AGO2: variants seen among roughly 807,000 people sequenced by gnomAD.
The protein encoded by AGO2 is protein argonaute-2.
In AGO2, 5 loss-of-function variants were observed where a neutral mutation model predicts 102.3. The observed-to-expected ratio is 0.05, with a 90% CI of 0.03 to 0.10. The LOEUF is 0.10. Ranked by LOEUF, AGO2 falls within the 10% of genes least tolerant of loss-of-function variation. AGO2 has a pLI of 1.00. For synonymous variants in AGO2, 449 were observed against 473.1 expected (o/e 0.95, Z 0.66); for missense variants, 541 against 1,183.7 (o/e 0.46, Z 7.97).
At chr8:140,639,417 G>T (rs564061762), upstream of AGO2, among the ~76,000 whole-genome samples, 2 of 151,666 alleles carry the variant, frequency 1.3e-5, no homozygotes, top group South Asian at 4.2e-4. Flanking sequence ...GGAGGCGGAG[G>T]TCGCAGTGAG....
chr8:140,586,596 T>A lies in AGO2; in HGVS notation c.23-1285A>T, dbSNP rs528372557. 3.2e-4 allele frequency among the ~76,000 whole-genome samples: 48 copies of A among 152,228 alleles called. 1 individual carries two copies. The South Asian group carries it at 9.6e-3, about 30-fold the overall frequency. ...ATCCACAGGATGACGTCTGATGACT[T>A]TTCATAAGCTCAGCAGCTCACCAAG... On this transcript the variant is annotated intron_variant, in intron 1 of 18. Transcript: ENST00000220592.
In AGO2 at chr8:140,526,763, A is replaced by C. The variant is rs377377969; in HGVS notation, c.*5281T>G. 8.5e-5 allele frequency: 13 copies of C among 152,312 alleles called. No homozygotes were observed. The East Asian group carries it at 1.9e-3, about 23-fold the overall frequency. 9.4% of individuals were successfully genotyped at this position (152,312 alleles called of 1,614,324 possible). On this transcript the variant is annotated 3_prime_UTR_variant, in exon 19 of 19. Transcript: ENST00000220592. The surrounding 1 kb of genome is among the most constrained non-coding windows in gnomAD (Gnocchi z 5.2). ...TAACATGGCAAAACATACTGAAAGA[A>C]GCATAAGCGAGGGCACCGTAATGGC...
At chr8:140,548,044 G>T (rs1017879965) in intron 12 of AGO2, among the ~76,000 whole-genome samples, 1 of 152,194 alleles carries the variant, frequency 6.6e-6, no homozygotes, top group African/African-American at 2.4e-5. Context: ...GGCCGGGCGC[G>T]GTGGCTCACA....
intron 2 of AGO2, among the ~76,000 whole-genome samples, chr8:140,577,245 A>ACG (rs1005209531): frequency 6.7e-6 from 1 of 149,556 alleles, no homozygotes; most frequent in African/African-American, 2.5e-5. Context: ...TGCCTGGGGA[A>ACG]CGAAGCCAGC....
At chr8:140,610,201 C>G (rs902870205) in intron 1 of AGO2, among the ~76,000 whole-genome samples, 2 of 151,958 alleles carry the variant, frequency 1.3e-5, no homozygotes, top group Non-Finnish European at 2.9e-5. Context: ...GAGATCCTGT[C>G]TCAAGAAACA....
At chr8:140,574,303 T>G (rs2073431845) in intron 2 of AGO2, among the ~76,000 whole-genome samples, 1 of 152,138 alleles carries the variant, frequency 6.6e-6, no homozygotes. Context: ...AGTCTCGCTC[T>G]ATCACTGGAG....
chr8:140,602,966 G>C (rs1459099188), intron 1 of AGO2, among the ~76,000 whole-genome samples: 1 of 152,238 alleles, frequency 6.6e-6, no homozygotes, highest in African/African-American at 2.4e-5. Flanking sequence ...TAACGACGAT[G>C]CCTGCACGCA....
chr8:140,541,393 C>G (rs748514419), intron 14 of AGO2, 35 bp from the exon 15 acceptor site: 4 of 1,536,416 alleles, frequency 2.6e-6, no homozygotes, highest in East Asian at 2.3e-5. Context: ...GTCAGGGGTT[C>G]CCAAAACTTT....
At chr8:140,633,644 G>C (rs1001124288) in intron 1 of AGO2, among the ~76,000 whole-genome samples, 3 of 152,234 alleles carry the variant, frequency 2.0e-5, no homozygotes, top group African/African-American at 7.2e-5. Flanking sequence ...ATGCGGGCAG[G>C]TGCTGGTCCA....
chr8:140,617,264 C>CTT (rs969497556), intron 1 of AGO2, among the ~76,000 whole-genome samples: 1 of 148,436 alleles, frequency 6.7e-6, no homozygotes, highest in Non-Finnish European at 1.5e-5. Context: ...AAGCACCACT[C>CTT]TTTTTTTTTT....
chr8:140,543,132 C>CACAAA (rs907990473), intron 14 of AGO2, among the ~76,000 whole-genome samples: 82 of 149,648 alleles, frequency 5.5e-4, no homozygotes, highest in Admixed American at 1.6e-3. Context: ...TACTCTGTCT[C>CACAAA]ACAAAACAAA....
At position 140,539,918 on chromosome 8, in the gene AGO2, T is replaced by C. The variant is rs193276021; in HGVS notation, c.2035-464A>G. ...CCTGGCCAACATGGTGAAACCCCAT[T>C]TCTACTAAAAATACAAAAATTAACT... On this transcript the variant is annotated intron_variant, in intron 15 of 18. Coordinates refer to ENST00000220592, the MANE Select transcript of AGO2 (RefSeq NM_012154.5). The surrounding 1 kb of genome is among the most constrained non-coding windows in gnomAD (Gnocchi z 4.7). 6.0e-4 allele frequency among the ~76,000 whole-genome samples: 91 copies of C among 152,020 alleles called. No individual in the cohort carries two copies. Among genetic ancestry groups the C allele is most frequent in the African/African-American group, 2.1e-3 (87 of 41,468 alleles).
intron 1 of AGO2, among the ~76,000 whole-genome samples, chr8:140,613,906 T>C (rs375285511): frequency 1.3e-5 from 2 of 149,082 alleles, no homozygotes; most frequent in African/African-American, 5.0e-5. Flanking sequence ...TGATCCCAGC[T>C]ACTCAGGAGG....
intron 3 of AGO2, among the ~76,000 whole-genome samples, chr8:140,563,861 C>T (rs955996817): frequency 6.6e-6 from 1 of 152,180 alleles, no homozygotes; most frequent in African/African-American, 2.4e-5. Flanking sequence ...GCCCAGCTCC[C>T]ATCTGCTCAT....
chr8:140,586,823 G>C (rs2133016600), intron 1 of AGO2, among the ~76,000 whole-genome samples: 1 of 152,300 alleles, frequency 6.6e-6, no homozygotes, highest in Admixed American at 6.5e-5. Flanking sequence ...GAAACGTCTA[G>C]GACAGAGCCC....
upstream of AGO2, among the ~76,000 whole-genome samples, chr8:140,635,834 G>A (rs1435558674): frequency 6.9e-6 from 1 of 144,974 alleles, no homozygotes; most frequent in African/African-American, 2.5e-5. Flanking sequence ...GGCCTGGGGC[G>A]GGGACCCGGG....
rs923395305 is a variant in AGO2, at chr8:140,557,918, T to C, written c.878+567A>G. On this transcript the variant is annotated intron_variant, in intron 7 of 18. Coordinates refer to ENST00000220592, the MANE Select transcript of AGO2 (RefSeq NM_012154.5). This position sits in a 1 kb window ranked among gnomAD's most constrained non-coding sequence, Gnocchi z 5.9. ...GCCACGGGCATCTTGGTACCTCCAG[T>C]GCCTGGCAACAGGCCTGGCACTTTC... 5.3e-5 allele frequency among the ~76,000 whole-genome samples: 8 copies of C among 152,196 alleles called. No homozygotes were observed. The highest frequency in any genetic ancestry group is 2.9e-5 in the Non-Finnish European group (2 of 68,014).
At chr8:140,634,431 C>G (rs1351210564) in intron 1 of AGO2, among the ~76,000 whole-genome samples, 1 of 152,220 alleles carries the variant, frequency 6.6e-6, no homozygotes, top group Non-Finnish European at 1.5e-5. Context: ...GCCTGCGGCC[C>G]GGCTGGGGCC....
At chr8:140,535,628 G>A (rs565174840) in intron 16 of AGO2, 59 bp from the exon 17 acceptor site, 63 of 1,572,796 alleles carry the variant, frequency 4.0e-5, no homozygotes, top group Admixed American at 1.7e-4. Flanking sequence ...CCAAGCAGGC[G>A]GGCCAGGCAG....
Sources: allele counts gnomAD v4.1 joint callset (sites outside exome capture counted in the v4.1 genomes callset), GRCh38; gene constraint gnomAD v4.1.1; non-coding constraint Gnocchi (gnomAD v3.1); transcripts MANE v1.5; gene names NCBI Gene and HGNC (gene_info 2026-07-23, HGNC 2026-07-21).